WDR90: variants seen among roughly 807,000 people sequenced by gnomAD.
The protein encoded by WDR90 is WD repeat-containing protein 90.
A neutral mutation model predicts 195.2 loss-of-function variants in WDR90; 238 were observed. The observed-to-expected ratio is 1.22, with a 90% confidence interval of 1.10 to 1.36. WDR90 has a LOEUF of 1.36. WDR90 is among the 40% of genes most tolerant of loss of function. The pLI is 0.00. For missense variants in WDR90, 2,734 were observed against 2,439.5 expected, an observed-to-expected ratio of 1.12 and a Z score of -2.54; for synonymous variants, 1,265 against 1,052.4, an observed-to-expected ratio of 1.20 and a Z score of -3.91.
Position 661,712 on chromosome 16 carries a change from C to A in WDR90, c.3789C>A (p.Gly1263=), listed in dbSNP as rs3177415. The A allele has an allele frequency of 1.2e-6, 2 of 1,612,094 alleles. No individual in the cohort carries two copies. The highest frequency in any genetic ancestry group is 1.7e-6 in the Non-Finnish European group (2 of 1,179,716). The change falls in exon 31 of 41, where the codon GGC becomes GGA. Residue 1263 remains glycine, a synonymous_variant. Transcript: ENST00000293879. ...TGGCCTTCAACCCCTGGGACGCCGG[C>A]GAGCTCACCTGTGTGGGCCAGGGCA... ...HGVAFNPWDA[G]ELTCVGQGTV...
In WDR90 at chr16:661,393, C is replaced by T. The variant is rs747751734; in HGVS notation, c.3565C>T (p.Arg1189Cys). 4.7e-5 allele frequency: 76 copies of T among 1,611,428 alleles called. No homozygotes were observed. Among genetic ancestry groups the T allele is most frequent in the African/African-American group, 8.0e-5 (6 of 74,774 alleles). ...RSSTTAHCQIRVWDVSGGLCQ... is the reference protein window; with the variant it reads ...RSSTTAHCQICVWDVSGGLCQ... ...CAGCACGACCGCCCATTGTCAGATC[C>T]GCGTCTGGGACGTGTCTGGCGGCCT... The change falls in exon 30 of 41, where the codon CGC becomes TGC. Residue 1189 changes from arginine to cysteine, a missense_variant. Transcript: ENST00000293879.
At chr16:665,658 C>A (rs1381661434) in intron 34 of WDR90, 21 bp from the exon 35 acceptor site, 2 of 1,612,504 alleles carry the variant, frequency 1.2e-6, no homozygotes, top group South Asian at 2.2e-5. Context: ...ACACCCCCAG[C>A]CTAGCTACGG....
upstream of WDR90, chr16:649,125 G>T: frequency 2.8e-6 from 1 of 360,014 alleles, no homozygotes; most frequent in Middle Eastern, 7.1e-4. Context: ...AGGTGGGCGC[G>T]GCGGAGGATC....
At chr16:662,158 C>A in intron 32 of WDR90, 62 bp from the exon 33 acceptor site, 1 of 1,522,414 alleles carries the variant, frequency 6.6e-7, no homozygotes, top group South Asian at 1.2e-5. Flanking sequence ...GTCCGGGCAG[C>A]CTTGTGACCC....
chr16:663,360 C>T (rs576806465), intron 34 of WDR90: 5 of 289,504 alleles, frequency 1.7e-5, no homozygotes, highest in African/African-American at 6.7e-5. Flanking sequence ...ATCGCTTGAA[C>T]CCAGGAGGCA....
chr16:662,505 C>T (rs1012803326), intron 33 of WDR90, 174 bp downstream of exon 33: 27 of 1,177,446 alleles, frequency 2.3e-5, no homozygotes, highest in Admixed American at 1.6e-4. Context: ...CTGTCGAGTA[C>T]GGGCATGGGC....
rs749145657 is a variant in WDR90, at chr16:656,697, C to T, written c.2203-35C>T. On this transcript the variant is annotated intron_variant, in intron 18 of 40. Coordinates refer to ENST00000293879, the MANE Select transcript of WDR90 (RefSeq NM_145294.5). ...GGAGAGCCCCTGGGCCCTTGAGATC[C>T]CTGCCCTCCCCTCAGCACGGCCCCT... 11 of 1,594,954 alleles carry T rather than the reference C, an allele frequency of 6.9e-6. No individual in the cohort carries two copies. In the Admixed American group the frequency reaches 1.9e-4, roughly 27 times the overall value.
At chr16:651,550 T>C in intron 7 of WDR90, 94 bp from the exon 8 acceptor site, 1 of 1,272,970 alleles carries the variant, frequency 7.9e-7, no homozygotes, top group Non-Finnish European at 1.1e-6. Flanking sequence ...CCGGTGAGGC[T>C]GGGCCACTTG....
chr16:664,766 G>A (rs979423995), intron 34 of WDR90, among the ~76,000 whole-genome samples: 1 of 150,798 alleles, frequency 6.6e-6, no homozygotes, highest in Admixed American at 6.6e-5. Context: ...TGCAAGCTCC[G>A]CCTCCCGGGT....
At chr16:660,441 C>T in intron 27 of WDR90, 171 bp from the exon 28 acceptor site, 1 of 713,574 alleles carries the variant, frequency 1.4e-6, no homozygotes, top group Non-Finnish European at 2.3e-6. Context: ...CCCTCCTGGC[C>T]CTGGCACAGT....
rs372511115 is a variant in WDR90, at chr16:656,737, C to T, written c.2208C>T (p.Tyr736=). 1.6e-5 allele frequency: 25 copies of T among 1,612,748 alleles called. No individual in the cohort carries two copies. The highest frequency in any genetic ancestry group is 4.5e-5 in the East Asian group (2 of 44,884). ...IWDLATLQQL[Y]DFTSSEDAPC... ...GCACGGCCCCTGTCCCACAGCTATACGACTTCACATCATCAGAGGACGCCC... is the reference window on the plus strand; with the variant it reads ...GCACGGCCCCTGTCCCACAGCTATATGACTTCACATCATCAGAGGACGCCC... Residue 736 remains tyrosine, a synonymous_variant, in exon 19 of 41, where the codon TAC becomes TAT. Transcript: ENST00000293879.
chr16:658,369 C>A (rs776045936), intron 22 of WDR90, 25 bp downstream of exon 22: 1 of 1,608,766 alleles, frequency 6.2e-7, no homozygotes, highest in Non-Finnish European at 8.5e-7. Context: ...TGTGGCCCGC[C>A]GACCTGGCCC....
At chr16:662,631 C>T (rs771240108) in intron 33 of WDR90, 48 bp from the exon 34 acceptor site, 8 of 1,513,118 alleles carry the variant, frequency 5.3e-6, no homozygotes, top group South Asian at 1.3e-5. Context: ...CTCTTGTCAT[C>T]GGCCTTGAGA....
At chr16:664,303 T>C (rs2037980029) in intron 34 of WDR90, among the ~76,000 whole-genome samples, 1 of 152,216 alleles carries the variant, frequency 6.6e-6, no homozygotes, top group South Asian at 2.1e-4. Context: ...ATTCAGGATA[T>C]TCTGTAGGAA....
At chr16:661,285 G>T in intron 29 of WDR90, 57 bp from the exon 30 acceptor site, 1 of 1,541,132 alleles carries the variant, frequency 6.5e-7, no homozygotes, top group East Asian at 2.3e-5. Context: ...GGCCACCCCA[G>T]CCTCCACTCC....
rs747342695 is a variant in WDR90, at chr16:663,025, G to C, written c.4311+181G>C. The C allele has an allele frequency of 7.4e-6, 7 of 940,050 alleles. No individual in the cohort carries two copies. In the South Asian group the frequency reaches 8.4e-5, roughly 11 times the overall value. 58.2% of individuals were successfully genotyped at this position (940,050 alleles called of 1,614,324 possible). On this transcript the variant is annotated intron_variant, in intron 34 of 40. Transcript: ENST00000293879. ...TGCACGTCCCCTCAAAGCCGTCCCG[G>C]TTGTGTCTGCACAAGCGAGCCGCCT...
At position 667,804 on chromosome 16, in the gene WDR90, T is replaced by A. The variant is rs1472943890; in HGVS notation, c.*215T>A. 7.2e-6 allele frequency: 5 copies of A among 695,468 alleles called. No individual in the cohort carries two copies. Among genetic ancestry groups the A allele is most frequent in the Non-Finnish European group, 1.3e-5 (5 of 395,726 alleles). 43.1% of individuals were successfully genotyped at this position (695,468 alleles called of 1,614,324 possible). ...CTAAGAAATCTTTAATGTTTCTATC[T>A]TGTAATAAACATGGGCATTTATTGC... is the stretch of plus-strand genomic sequence containing the variant. On this transcript the variant is annotated 3_prime_UTR_variant, in exon 41 of 41. Transcript: ENST00000293879.
rs1366476151 is a variant in WDR90 at position 653,583 on chromosome 16, C to A, written c.1292C>A (p.Ala431Asp). Residue 431 changes from alanine (A) to aspartate (D), a missense_variant, in exon 12 of 41, where the codon GCC (alanine) becomes GAC (aspartate). Physicochemically the swap from Ala to Asp is moderately radical, Grantham distance 126. Coordinates refer to ENST00000293879, the MANE Select transcript of WDR90 (RefSeq NM_145294.5). ...SSLLASAQARAPSVMRLWDFQ... is the reference protein window; with the variant it reads ...SSLLASAQARDPSVMRLWDFQ... ...CTATTGGCCTCGGCCCAGGCAAGGG[C>A]CCCTAGTGTGATGCGGCTCTGGGAC... is the stretch of plus-strand genomic sequence containing the variant. 6.2e-7 allele frequency: 1 copy of A among 1,613,446 alleles called. No individual in the cohort carries two copies. Among genetic ancestry groups the A allele is most frequent in the Non-Finnish European group, 8.5e-7 (1 of 1,180,020 alleles).
chr16:656,603 G>C, intron 18 of WDR90, 66 bp downstream of exon 18: 1 of 1,573,316 alleles, frequency 6.4e-7, no homozygotes, highest in Non-Finnish European at 8.6e-7. Flanking sequence ...GTTTGTCAGC[G>C]GGGGTGAGAG....
Sources: allele counts gnomAD v4.1 joint callset (sites outside exome capture counted in the v4.1 genomes callset), GRCh38; gene constraint gnomAD v4.1.1; transcripts MANE v1.5; gene names NCBI Gene and HGNC (gene_info 2026-07-23, HGNC 2026-07-21).